The following FANCD2 variants were observed in gnomAD, a reference collection of about 807,000 sequenced individuals.
FANCD2 encodes the protein FA complementation group D2, also known as Fanconi anemia group D2 protein.
A neutral mutation model predicts 192.3 loss-of-function variants in FANCD2; 131 were observed. The ratio of observed to expected loss-of-function variants is 0.68; its 90% confidence interval spans 0.59 to 0.79. The LOEUF (loss-of-function observed/expected upper bound fraction) is 0.79, where lower values mean the gene tolerates loss of function less well. FANCD2 is among the 30% of genes least tolerant of loss of function. The pLI is 0.00. For synonymous variants in FANCD2, 524 were observed against 612.5 expected (o/e 0.86, Z 2.13); for missense variants, 1,508 against 1,701.6 (o/e 0.89, Z 2.00).
At chr3:10,046,902 T>C (rs1008548592) in intron 15 of FANCD2, among the ~76,000 whole-genome samples, 179 bp downstream of exon 15, 4 of 152,302 alleles carry the variant, frequency 2.6e-5, no homozygotes, top group African/African-American at 9.6e-5. Flanking sequence ...AAACTGGCCT[T>C]CCGTATCCTA....
chr3:10,071,102 GAGAAACACCCA>G (rs1559393455), intron 26 of FANCD2, among the ~76,000 whole-genome samples: 1 of 126,380 alleles, frequency 7.9e-6, no homozygotes, highest in Non-Finnish European at 1.6e-5. Context: ...CCCCCTCTGC[GAGAAACACCCA>G]AGAATGATCG....
intron 2 of FANCD2, among the ~76,000 whole-genome samples, chr3:10,030,029 C>A (rs752524190): frequency 8.6e-5 from 13 of 151,928 alleles, no homozygotes; most frequent in African/African-American, 3.1e-4. Context: ...TCAAGTGATC[C>A]ATCCATCTCG....
intron 29 of FANCD2, 80 bp downstream of exon 29, chr3:10,074,753 C>T (rs751527593): frequency 7.5e-7 from 1 of 1,336,672 alleles, no homozygotes; most frequent in Non-Finnish European, 1.1e-6. Context: ...ACAAAGAACA[C>T]TGTGACACTG....
chr3:10,091,503 G>A (rs1220201642), intron 37 of FANCD2, among the ~76,000 whole-genome samples: 1 of 151,746 alleles, frequency 6.6e-6, no homozygotes, highest in Non-Finnish European at 1.5e-5. Context: ...AACATATACC[G>A]GCTGTAGCTT....
chr3:10,055,510 A>G (rs1311737521), intron 18 of FANCD2, among the ~76,000 whole-genome samples: 1 of 152,096 alleles, frequency 6.6e-6, no homozygotes, highest in Admixed American at 6.6e-5. Context: ...TTCCCATTAC[A>G]GCTATAATAA....
At chr3:10,028,523 G>A (rs1360527868) in intron 1 of FANCD2, 102 bp from the exon 2 acceptor site, 1 of 755,444 alleles carries the variant, frequency 1.3e-6, no homozygotes, top group East Asian at 2.7e-5. Flanking sequence ...GGAGATGTGA[G>A]CCCCTCTGAT....
chr3:10,090,218 G>T lies in FANCD2; in HGVS notation c.3684-74G>T, dbSNP rs2287435. 475 of 1,072,674 alleles carry T rather than the reference G, an allele frequency of 4.4e-4. 1 individual carries two copies. The East Asian group carries it at 9.7e-3, about 22-fold the overall frequency. The allele number at this position is 1,072,674 out of a possible 1,614,324, so 66.4% of individuals were successfully genotyped here. On this transcript the variant is annotated intron_variant, in intron 36 of 43. Transcript: ENST00000675286. ...AGAGGTAGGGAAGGAAGCTACTTTT[G>T]GTTCCTGGTTCTTCCCAGGTAGTTC... is the stretch of plus-strand genomic sequence containing the variant.
At chr3:10,089,932 G>T (rs1200090346) in intron 36 of FANCD2, among the ~76,000 whole-genome samples, 1 of 152,122 alleles carries the variant, frequency 6.6e-6, no homozygotes, top group Non-Finnish European at 1.5e-5. Context: ...TGTGAGGTTG[G>T]TATCATTGCC....
chr3:10,054,473 ATTTTTTTTTTTTT>A (rs55719769), intron 18 of FANCD2, among the ~76,000 whole-genome samples: 1 of 8,412 alleles, frequency 1.2e-4, no homozygotes, highest in Non-Finnish European at 1.8e-4. Context: ...ATATATATAT[ATTTTTTTTTTTTT>A]TTTTTTTTTT....
chr3:10,101,441 A>G lies in FANCD2; in HGVS notation c.*179A>G. On this transcript the variant is annotated 3_prime_UTR_variant, in exon 44 of 44. Transcript: ENST00000675286. ...CGCTGTGTTTCCCAGGCTGGAGTGC[A>G]GTGCTGCAATCTTGGCTCACTGCAA... 1.8e-6 allele frequency: 1 copy of G among 547,942 alleles called. No individual in the cohort carries two copies. Among genetic ancestry groups the G allele is most frequent in the African/African-American group, 2.1e-5 (1 of 47,182 alleles). The allele number at this position is 547,942 out of a possible 1,614,324, so 33.9% of individuals were successfully genotyped here. A position where few individuals can be genotyped will look rare whatever the true frequency, so the allele number is the denominator to read the frequency against.
intron 38 of FANCD2, among the ~76,000 whole-genome samples, chr3:10,092,615 C>T (rs947552706): frequency 2.0e-5 from 3 of 151,676 alleles, no homozygotes; most frequent in Non-Finnish European, 2.9e-5. Flanking sequence ...CTCTCACCCA[C>T]TCCATCGTGG....
chr3:10,040,570 C>A (rs2086840719), intron 9 of FANCD2: 1 of 456,522 alleles, frequency 2.2e-6, no homozygotes, highest in Admixed American at 2.4e-5. Context: ...CTGCATCAGA[C>A]CGCTTGCGGA....
At chr3:10,090,440 C>A in intron 37 of FANCD2, 55 bp downstream of exon 37, 1 of 552,956 alleles carries the variant, frequency 1.8e-6, no homozygotes, top group Non-Finnish European at 3.0e-6. Flanking sequence ...TTGGAAGTTG[C>A]TGATTTTTTT....
chr3:10,099,199 TGTGAAAGCATTTG>T (rs1414363194), intron 43 of FANCD2: 2 of 1,382,800 alleles, frequency 1.4e-6, no homozygotes, highest in South Asian at 1.6e-5. Context: ...AAAATAGAAA[TGTGAAAGCATTTG>T]GTGAAAGCCA....
At position 10,088,953 on chromosome 3, in the gene FANCD2, A is replaced by G; in HGVS notation, c.3683+3A>G. The G allele has an allele frequency of 6.2e-7, 1 of 1,613,968 alleles. No individual in the cohort carries two copies. The highest frequency in any genetic ancestry group is 8.5e-7 in the Non-Finnish European group (1 of 1,179,900). ...TCCACATTCCCTACACTGACCAGGTAAGGGAGTTCTTTCCTCCAGTTTTTC... is the reference window on the plus strand; with the variant it reads ...TCCACATTCCCTACACTGACCAGGTGAGGGAGTTCTTTCCTCCAGTTTTTC... On this transcript the variant is annotated splice_donor_region_variant and intron_variant, in intron 36 of 43. Coordinates refer to ENST00000675286, the MANE Select transcript of FANCD2 (RefSeq NM_001018115.3).
Position 10,067,433 on chromosome 3 carries a change from G to A in FANCD2, c.2494+116G>A, listed in dbSNP as rs1313491038. ...GACACATCAAAAAAAGAAATCTCAG[G>A]CCAATATCCCTGATGAACATTGATA... is the stretch of plus-strand genomic sequence containing the variant. On this transcript the variant is annotated intron_variant, in intron 26 of 43. Coordinates refer to ENST00000675286, the MANE Select transcript of FANCD2 (RefSeq NM_001018115.3). 4 of 694,976 alleles carry A rather than the reference G, an allele frequency of 5.8e-6. No individual in the cohort carries two copies. In the East Asian group the frequency reaches 1.1e-4, roughly 19 times the overall value. The allele number at this position is 694,976 out of a possible 1,614,324, so 43.1% of individuals were successfully genotyped here.
chr3:10,075,977 C>A (rs956843476), intron 29 of FANCD2, among the ~76,000 whole-genome samples: 1 of 151,626 alleles, frequency 6.6e-6, no homozygotes, highest in Non-Finnish European at 1.5e-5. Flanking sequence ...GTGATCCGCC[C>A]GCCTTGGCCT....
chr3:10,093,581 G>T (rs765268017), intron 39 of FANCD2, among the ~76,000 whole-genome samples: 13 of 152,176 alleles, frequency 8.5e-5, no homozygotes, highest in Non-Finnish European at 1.5e-4. Flanking sequence ...TTGAGTTTAG[G>T]AGCAGTAGTT....
intron 32 of FANCD2, among the ~76,000 whole-genome samples, chr3:10,085,387 T>C (rs1340867359): frequency 6.6e-6 from 1 of 150,562 alleles, no homozygotes; most frequent in Non-Finnish European, 1.5e-5. Context: ...TTTTTTCTTT[T>C]TTCTTTCTTT....
Sources: gnomAD v4.1 joint callset for allele counts (sites outside exome capture counted in the v4.1 genomes callset) on GRCh38, gnomAD v4.1.1 for gene constraint, MANE v1.5 for transcripts, NCBI Gene and HGNC (gene_info 2026-07-23, HGNC 2026-07-21) for gene names.